Variants in TBC1D15 observed in about 807,000 individuals in gnomAD.
TBC1D15 encodes GAP for RAB7.
A neutral mutation model predicts 95.4 loss-of-function variants in TBC1D15; 39 were observed. The ratio of observed to expected loss-of-function variants is 0.41; its 90% CI spans 0.32 to 0.53. TBC1D15 has a LOEUF of 0.53. Among genes scored for constraint, TBC1D15 ranks in the 20% least tolerant of loss-of-function variants. The pLI is 0.29. For synonymous variants in TBC1D15, 258 were observed against 261.3 expected (o/e 0.99, Z 0.12); for missense variants, 733 against 794.3 (o/e 0.92, Z 0.93).
intron 1 of TBC1D15, among the ~76,000 whole-genome samples, chr12:71,851,183 AGGAAGG>A (rs1047656304): frequency 3.3e-5 from 5 of 152,002 alleles, no homozygotes; most frequent in Admixed American, 6.6e-5. Context: ...ATAGAGCAGG[AGGAAGG>A]GGGAGGGGGA....
At chr12:71,893,440 A>ATGTGTG (rs76543669) in intron 6 of TBC1D15, 116 bp downstream of exon 6, 2 of 470,152 alleles carry the variant, frequency 4.3e-6, no homozygotes, top group African/African-American at 2.0e-5. Context: ...ATACATAGAT[A>ATGTGTG]TGTGTGTGTG....
chr12:71,854,820 T>G, intron 1 of TBC1D15: 2 of 456,742 alleles, frequency 4.4e-6, no homozygotes. Context: ...CTTCCTCAAA[T>G]CTTTGATCTG....
chr12:71,882,184 T>G (rs1042790073), intron 4 of TBC1D15, among the ~76,000 whole-genome samples: 8 of 152,162 alleles, frequency 5.3e-5, no homozygotes, highest in African/African-American at 1.9e-4. Context: ...GACAAACCTT[T>G]AAAAATTGAC....
At chr12:71,883,585 G>A (rs1895640449) in intron 4 of TBC1D15, among the ~76,000 whole-genome samples, 1 of 152,106 alleles carries the variant, frequency 6.6e-6, no homozygotes, top group South Asian at 2.1e-4. Context: ...TTGCAGATAG[G>A]ACGGTGATAC....
At chr12:71,848,636 A>C (rs192005101) in intron 1 of TBC1D15, among the ~76,000 whole-genome samples, 1 of 152,300 alleles carries the variant, frequency 6.6e-6, no homozygotes, top group East Asian at 1.9e-4. Flanking sequence ...TCTTTTTAAA[A>C]AAATTATTTA....
chr12:71,896,156 G>A (rs1898120176), intron 8 of TBC1D15, 81 bp downstream of exon 8: 2 of 1,215,558 alleles, frequency 1.6e-6, no homozygotes, highest in Non-Finnish European at 2.2e-6. Context: ...CTGTTTTGGT[G>A]TGTTTTTTTT....
chr12:71,854,337 G>A (rs1888527007), intron 1 of TBC1D15, among the ~76,000 whole-genome samples: 2 of 152,172 alleles, frequency 1.3e-5, no homozygotes, highest in African/African-American at 2.4e-5. Flanking sequence ...GCCAGAAGTG[G>A]AAGTTTTTAT....
chr12:71,903,032 C>T (rs971395047), intron 10 of TBC1D15, among the ~76,000 whole-genome samples: 1 of 152,206 alleles, frequency 6.6e-6, no homozygotes, highest in Non-Finnish European at 1.5e-5. Context: ...CTGCGTCAGC[C>T]TCCCGGGTAG....
At chr12:71,869,140 AG>A (rs1272191661) in intron 1 of TBC1D15, among the ~76,000 whole-genome samples, 6 of 152,168 alleles carry the variant, frequency 3.9e-5, no homozygotes, top group Non-Finnish European at 8.8e-5. Context: ...ATTTAACTGG[AG>A]GATAGCATTA....
intron 1 of TBC1D15, among the ~76,000 whole-genome samples, chr12:71,856,902 A>AGCC (rs1246124444): frequency 7.9e-5 from 12 of 152,304 alleles, no homozygotes; most frequent in African/African-American, 2.6e-4. Context: ...CAGTGGAAGA[A>AGCC]CCTTGAGCAA....
chr12:71,877,678 T>C (rs1050561361), intron 3 of TBC1D15, among the ~76,000 whole-genome samples: 2 of 152,110 alleles, frequency 1.3e-5, no homozygotes, highest in African/African-American at 2.4e-5. Flanking sequence ...ACATCTTTCT[T>C]GTTCTGAGTG....
chr12:71,895,891 T>C, intron 7 of TBC1D15, 56 bp from the exon 8 acceptor site: 2 of 1,544,232 alleles, frequency 1.3e-6, no homozygotes, highest in Admixed American at 1.9e-5. Flanking sequence ...TCTATATGCC[T>C]TTATTTCATT....
At chr12:71,921,040 A>G (rs951397680) in intron 15 of TBC1D15, among the ~76,000 whole-genome samples, 193 bp downstream of exon 15, 28 of 152,202 alleles carry the variant, frequency 1.8e-4, no homozygotes, top group Non-Finnish European at 2.6e-4. Context: ...CTGGCTAATT[A>G]GGAAGAAAAG....
intron 1 of TBC1D15, among the ~76,000 whole-genome samples, chr12:71,869,083 A>G (rs1892102915): frequency 6.6e-6 from 1 of 152,222 alleles, no homozygotes; most frequent in Non-Finnish European, 1.5e-5. Flanking sequence ...CATATTTGTC[A>G]TCTCACATAG....
chr12:71,903,066 C>T (rs1486890922), intron 10 of TBC1D15, among the ~76,000 whole-genome samples: 1 of 152,118 alleles, frequency 6.6e-6, no homozygotes, highest in African/African-American at 2.4e-5. Context: ...TGCCCACCAC[C>T]ACGGCAGGCT....
rs1389374798 is a variant in TBC1D15 at position 71,919,175 on chromosome 12, G to C, written c.1599+627G>C. On this transcript the variant is annotated intron_variant, in intron 14 of 16. Transcript: ENST00000485960. Reference sequence around the variant, plus strand: ...ACCAAATCATTTCACATTTTCTAAAGTATTTGCTAATAATAAATCAGTGTG... The same window carrying C: ...ACCAAATCATTTCACATTTTCTAAACTATTTGCTAATAATAAATCAGTGTG... Among the ~76,000 whole-genome samples the C allele has an allele frequency of 2.0e-5, 3 of 146,476 alleles. No individual in the cohort carries two copies. The East Asian group carries it at 6.0e-4, about 29-fold the overall frequency.
intron 1 of TBC1D15, among the ~76,000 whole-genome samples, chr12:71,851,484 C>T (rs144045183): frequency 3.3e-4 from 51 of 152,242 alleles, no homozygotes; most frequent in East Asian, 1.7e-3. Context: ...AACTCATTTC[C>T]GGCATTAAAT....
chr12:71,889,519 C>T (rs1471566182), intron 5 of TBC1D15, among the ~76,000 whole-genome samples: 1 of 151,520 alleles, frequency 6.6e-6, no homozygotes, highest in Non-Finnish European at 1.5e-5. Flanking sequence ...TTATAGACTC[C>T]AAGTAGTAGA....
intron 9 of TBC1D15, among the ~76,000 whole-genome samples, chr12:71,897,013 T>G (rs1252296508): frequency 1.3e-5 from 2 of 152,144 alleles, no homozygotes; most frequent in East Asian, 3.8e-4. Context: ...GATAAACATA[T>G]TCCCTTATAT....
Sources: gnomAD v4.1 joint callset for allele counts (sites outside exome capture counted in the v4.1 genomes callset) on GRCh38, gnomAD v4.1.1 for gene constraint, MANE v1.5 for transcripts, NCBI Gene and HGNC (gene_info 2026-07-23, HGNC 2026-07-21) for gene names.